KHDC3L: variants seen among roughly 807,000 people sequenced by gnomAD.
KHDC3L encodes KH domain-containing protein 3.
Under a neutral mutation model 11.4 loss-of-function variants are expected in KHDC3L, and 6 were observed. The observed-to-expected ratio is 0.52, with a 90% CI of 0.29 to 1.03. The LOEUF (loss-of-function observed/expected upper bound fraction) is 1.03, where lower values mean the gene tolerates loss of function less well. KHDC3L is among the 50% of genes least tolerant of loss of function. The pLI is 0.09. For synonymous variants in KHDC3L, 127 were observed against 120.9 expected (o/e 1.05, Z -0.33); for missense variants, 293 against 290.4 (o/e 1.01, Z -0.07).
At position 73,363,968 on chromosome 6, in the gene KHDC3L, C is replaced by A; in HGVS notation, c.*108C>A. 1 of 1,196,506 alleles carries A rather than the reference C, an allele frequency of 8.4e-7. No individual in the cohort carries two copies. 74.1% of individuals were successfully genotyped at this position (1,196,506 alleles called of 1,614,324 possible). ...GAGGATGTGGATTTTTTGTTTTACCCTTTCTGTTGCATGGTTGCAAACACA... is the reference window on the plus strand; with the variant it reads ...GAGGATGTGGATTTTTTGTTTTACCATTTCTGTTGCATGGTTGCAAACACA... On this transcript the variant is annotated 3_prime_UTR_variant, in exon 3 of 3. Transcript: ENST00000370367.
At chr6:73,363,533 T>C (rs780050318) in intron 2 of KHDC3L, 23 bp from the exon 3 acceptor site, 8 of 1,601,674 alleles carry the variant, frequency 5.0e-6, no homozygotes, top group Admixed American at 1.7e-5. Flanking sequence ...AGCTGTGGCC[T>C]CTGCACACTG....
chr6:73,364,078 G>T lies in KHDC3L; in HGVS notation c.*218G>T. On this transcript the variant is annotated 3_prime_UTR_variant, in exon 3 of 3. Transcript: ENST00000370367. ...TCACTTAAGTCCAGGAAGCTGGGGT[G>T]GCGAGGAAGGATGATGTGGATTGTT... The T allele has an allele frequency of 1.6e-6, 1 of 612,868 alleles. No individual in the cohort carries two copies. The highest frequency in any genetic ancestry group is 2.9e-6 in the Non-Finnish European group (1 of 346,070). The allele number at this position is 612,868 out of a possible 1,614,324, so 38.0% of individuals were successfully genotyped here.
In KHDC3L at chr6:73,363,740, G is replaced by C. The variant is rs140872763; in HGVS notation, c.534G>C (p.Gly178=). The C allele has an allele frequency of 6.2e-7, 1 of 1,613,852 alleles. No individual in the cohort carries two copies. Among genetic ancestry groups the C allele is most frequent in the Non-Finnish European group, 8.5e-7 (1 of 1,179,988 alleles). Residue 178 remains glycine (G), a synonymous_variant, in exon 3 of 3, where the codon GGG becomes GGC. Coordinates refer to ENST00000370367, the MANE Select transcript of KHDC3L (RefSeq NM_001017361.3). ...QGSPVEVQEA[G]TQQSLQAANK... Reference sequence around the variant, plus strand: ...CTCCGGTGGAGGTGCAGGAGGCCGGGACCCAGCAGTCTCTCCAGGCTGCCA... The same window carrying C: ...CTCCGGTGGAGGTGCAGGAGGCCGGCACCCAGCAGTCTCTCCAGGCTGCCA...
In KHDC3L at chr6:73,363,320, T is replaced by C. The variant is rs751579164; in HGVS notation, c.349+46T>C. On this transcript the variant is annotated intron_variant, in intron 2 of 2. Transcript: ENST00000370367. The stretch of plus-strand genomic sequence containing the variant: ...CTACCTGGAGCAAACCCTGGCTCCG[T>C]AGGAGTGATCCTGGGGTTTCCTGGC... The C allele has an allele frequency of 8.7e-6, 14 of 1,601,838 alleles. No homozygotes were observed. The East Asian group carries it at 1.8e-4, about 20-fold the overall frequency.
At chr6:73,363,515 A>G (rs1210292873) in intron 2 of KHDC3L, 41 bp from the exon 3 acceptor site, 29 of 1,590,746 alleles carry the variant, frequency 1.8e-5, no homozygotes, top group African/African-American at 2.7e-5. Context: ...GAGAGGATAT[A>G]GAGACACAGC....
In KHDC3L at chr6:73,363,154, A is replaced by G. The variant is rs1562274648; in HGVS notation, c.229A>G (p.Asn77Asp). 6.2e-7 allele frequency: 1 copy of G among 1,614,152 alleles called. No individual in the cohort carries two copies. The highest frequency in any genetic ancestry group is 1.3e-5 in the African/African-American group (1 of 75,036). ...QGMSQILIHVNRLDPNGEAEI... is the reference protein window; with the variant it reads ...QGMSQILIHVDRLDPNGEAEI... The stretch of plus-strand genomic sequence containing the variant: ...TATGTCCCAAATCTTGATTCACGTG[A>G]ATCGATTGGACCCTAACGGCGAGGC... Residue 77 changes from asparagine to aspartate, a missense_variant, in exon 2 of 3, where the codon AAT becomes GAT. Physicochemically the swap from Asn to Asp is conservative, Grantham distance 23. Transcript: ENST00000370367.
At chr6:73,363,037 C>T in intron 1 of KHDC3L, 58 bp from the exon 2 acceptor site, 1 of 1,608,674 alleles carries the variant, frequency 6.2e-7, no homozygotes, top group Non-Finnish European at 8.5e-7. Context: ...TTCCACCTTC[C>T]CCTCCCAAGA....
chr6:73,363,108 A>G lies in KHDC3L; in HGVS notation c.183A>G (p.Glu61=). Residue 61 remains glutamate, a synonymous_variant, in exon 2 of 3, where the codon GAA becomes GAG. Transcript: ENST00000370367. ...LVEKIFGRGG[E]RIPHVQGMSQ... is the part of the protein sequence containing the mutation. ...CTACCCGCGCAGGCCGGGGCGGAGA[A>G]CGCATCCCGCACGTCCAGGGTATGT... The G allele has an allele frequency of 6.2e-7, 1 of 1,614,036 alleles. No homozygotes were observed. The highest frequency in any genetic ancestry group is 8.5e-7 in the Non-Finnish European group (1 of 1,180,026).
In KHDC3L at chr6:73,363,936, T is replaced by A. The variant is rs1768917943; in HGVS notation, c.*76T>A. On this transcript the variant is annotated 3_prime_UTR_variant, in exon 3 of 3. Transcript: ENST00000370367. ...CCGTATTTCCGCCCAGAAGCTGGGG[T>A]TGGGGAGAGGATGTGGATTTTTTGT... The A allele has an allele frequency of 6.8e-6, 10 of 1,481,318 alleles. No homozygotes were observed. The East Asian group carries it at 2.1e-4, about 30-fold the overall frequency. 91.8% of individuals were successfully genotyped at this position (1,481,318 alleles called of 1,614,324 possible). A position where few individuals can be genotyped will look rare whatever the true frequency, so the allele number is the denominator to read the frequency against.
Position 73,362,721 on chromosome 6 carries a change from G to T in KHDC3L, c.-9G>T, listed in dbSNP as rs371916561. 59 of 1,613,910 alleles carry T rather than the reference G, an allele frequency of 3.7e-5. No individual in the cohort carries two copies. The East Asian group carries it at 7.8e-4, about 21-fold the overall frequency. ...TGGTGTCCTTGTCTCCTGCAGGACC[G>T]GCCGCAGCATGGACGCTCCCAGGCG... On this transcript the variant is annotated 5_prime_UTR_variant, in exon 1 of 3. Coordinates refer to ENST00000370367, the MANE Select transcript of KHDC3L (RefSeq NM_001017361.3).
intron 1 of KHDC3L, 52 bp from the exon 2 acceptor site, chr6:73,363,043 C>G: frequency 6.2e-7 from 1 of 1,611,270 alleles, no homozygotes; most frequent in Non-Finnish European, 8.5e-7. Context: ...CTTCCCCTCC[C>G]AAGACCCCCG....
Position 73,363,841 on chromosome 6 carries a change from AC to A in KHDC3L, c.638del (p.Pro213GlnfsTer21). On this transcript the variant is annotated frameshift_variant, in exon 3 of 3. Transcript: ENST00000370367. LOFTEE classifies it high-confidence loss of function. Reference sequence around the variant, plus strand: ...CAGCGGTTTCGCGAGGATGCCCGGGACCCAGTTACTAGATTATGAAGGCATC... The same window carrying A: ...CAGCGGTTTCGCGAGGATGCCCGGGACCAGTTACTAGATTATGAAGGCATC... ...VTQRFREDAR[D>X]PVTRL The A allele has an allele frequency of 6.2e-7, 1 of 1,609,916 alleles. No individual in the cohort carries two copies.
chr6:73,363,186 C>T lies in KHDC3L; in HGVS notation c.261C>T (p.Ile87=). Residue 87 remains isoleucine (I), a synonymous_variant, in exon 2 of 3, where the codon ATC becomes ATT. Coordinates refer to ENST00000370367, the MANE Select transcript of KHDC3L (RefSeq NM_001017361.3). The part of the protein sequence containing the change: ...NRLDPNGEAE[I]LVFGRPSYQE... Reference sequence around the variant, plus strand: ...TGGACCCTAACGGCGAGGCTGAGATCTTGGTATTTGGGAGGCCTTCTTACC... The same window carrying T: ...TGGACCCTAACGGCGAGGCTGAGATTTTGGTATTTGGGAGGCCTTCTTACC... 1 of 1,614,172 alleles carries T rather than the reference C, an allele frequency of 6.2e-7. No homozygotes were observed. Among genetic ancestry groups the T allele is most frequent in the Non-Finnish European group, 8.5e-7 (1 of 1,180,036 alleles).
rs147578781 is a variant in KHDC3L, at chr6:73,362,822, C to T, written c.93C>T (p.Phe31=). The T allele has an allele frequency of 9.5e-4, 1,537 of 1,614,206 alleles. 23 individuals carry two copies. In the East Asian group the frequency reaches 0.019, roughly 20 times the overall value. The change falls in exon 1 of 3, where the codon TTC becomes TTT. Residue 31 remains phenylalanine (F), a synonymous_variant. Coordinates refer to ENST00000370367, the MANE Select transcript of KHDC3L (RefSeq NM_001017361.3). The part of the protein sequence containing the change: ...VEVLGHLPKR[F]SWFHSEFLKN... ...TGCTCGGTCACCTCCCTAAGCGGTT[C>T]TCCTGGTTCCACTCTGAGTTCCTGA...
Position 73,363,305 on chromosome 6 carries a change from C to G in KHDC3L, c.349+31C>G. 1.9e-6 allele frequency: 3 copies of G among 1,610,720 alleles called. No homozygotes were observed. In the South Asian group the frequency reaches 3.3e-5, roughly 18 times the overall value. On this transcript the variant is annotated intron_variant, in intron 2 of 2. Transcript: ENST00000370367. ...GGGCTGGGAATAGGGCTACCTGGAG[C>G]AAACCCTGGCTCCGTAGGAGTGATC...
chr6:73,363,734 G>A lies in KHDC3L; in HGVS notation c.528G>A (p.Glu176=), dbSNP rs912085147. 1 of 1,613,852 alleles carries A rather than the reference G, an allele frequency of 6.2e-7. No homozygotes were observed. The highest frequency in any genetic ancestry group is 8.5e-7 in the Non-Finnish European group (1 of 1,179,986). ...AGGGTTCTCCGGTGGAGGTGCAGGA[G>A]GCCGGGACCCAGCAGTCTCTCCAGG... ...GTQGSPVEVQ[E]AGTQQSLQAA... Residue 176 remains glutamate (E), a synonymous_variant, in exon 3 of 3, where the codon GAG becomes GAA. Transcript: ENST00000370367.
In KHDC3L at chr6:73,363,863, G is replaced by C. The variant is rs760602354; in HGVS notation, c.*3G>C. On this transcript the variant is annotated 3_prime_UTR_variant, in exon 3 of 3. Coordinates refer to ENST00000370367, the MANE Select transcript of KHDC3L (RefSeq NM_001017361.3). ...GGGACCCAGTTACTAGATTATGAAG[G>C]CATCTCAGGCCCTGGAGCCAGAGCC... 1 of 1,606,906 alleles carries C rather than the reference G, an allele frequency of 6.2e-7. No individual in the cohort carries two copies. Among genetic ancestry groups the C allele is most frequent in the Non-Finnish European group, 8.5e-7 (1 of 1,179,908 alleles).
chr6:73,363,833 T>G lies in KHDC3L; in HGVS notation c.627T>G (p.Asp209Glu), dbSNP rs553544698. 3.1e-6 allele frequency: 5 copies of G among 1,610,078 alleles called. No individual in the cohort carries two copies. In the African/African-American group the frequency reaches 6.7e-5, roughly 21 times the overall value. ...CAGTGACCCAGCGGTTTCGCGAGGA[T>G]GCCCGGGACCCAGTTACTAGATTAT... ...SKAVTQRFRE[D>E]ARDPVTRL The change falls in exon 3 of 3, where the codon GAT (aspartate) becomes GAG (glutamate). Residue 209 changes from aspartate to glutamate, a missense_variant. By Grantham distance (45) the Asp-to-Glu change is conservative. Coordinates refer to ENST00000370367, the MANE Select transcript of KHDC3L (RefSeq NM_001017361.3).
In KHDC3L at chr6:73,363,625, T is replaced by C. The variant is rs1562274861; in HGVS notation, c.419T>C (p.Val140Ala). The change falls in exon 3 of 3, where the codon GTC becomes GCC. Residue 140 changes from valine (V) to alanine (A), a missense_variant. Val to Ala is a moderately conservative substitution (Grantham distance 64, BLOSUM62 0). Transcript: ENST00000370367. ...KAETQRSSIE[V>A]REAGTQRSVE... is the part of the protein sequence containing the mutation. ...GAGACCCAGCGGTCTTCAATAGAAG[T>C]CCGGGAGGCCGGGACGCAGCGTTCG... The C allele has an allele frequency of 6.2e-6, 10 of 1,612,762 alleles. No individual in the cohort carries two copies. The highest frequency in any genetic ancestry group is 8.5e-6 in the Non-Finnish European group (10 of 1,179,354).
Sources: gnomAD v4.1 joint callset for allele counts on GRCh38, gnomAD v4.1.1 for gene constraint, MANE v1.5 for transcripts, NCBI Gene and HGNC (gene_info 2026-07-23, HGNC 2026-07-21) for gene names.